Variants in SNX2 observed in about 807,000 individuals in gnomAD.
SNX2 encodes sorting nexin-2.
Under a neutral mutation model 69.9 loss-of-function variants are expected in SNX2, and 25 were observed. That is an observed-to-expected ratio of 0.36 (90% CI 0.26 to 0.50). The LOEUF (loss-of-function observed/expected upper bound fraction) is 0.50, where lower values mean the gene tolerates loss of function less well. Ranked by LOEUF, SNX2 falls within the 20% of genes least tolerant of loss-of-function variation. SNX2 has a pLI of 0.97. For missense variants in SNX2, 551 were observed against 613.3 expected (o/e 0.90, Z 1.07); for synonymous variants, 229 against 200.4 (o/e 1.14, Z -1.20).
chr5:122,825,667 G>A (rs1754135142), intron 11 of SNX2, among the ~76,000 whole-genome samples: 1 of 151,586 alleles, frequency 6.6e-6, no homozygotes, highest in Non-Finnish European at 1.5e-5. Flanking sequence ...TACTTAATAT[G>A]CTTCTAATAT....
chr5:122,817,367 A>G lies in SNX2; in HGVS notation c.1000A>G (p.Arg334Gly), dbSNP rs1353280446. 17 of 1,613,066 alleles carry G rather than the reference A, an allele frequency of 1.1e-5. No homozygotes were observed. The highest frequency in any genetic ancestry group is 1.4e-5 in the Non-Finnish European group (17 of 1,179,192). ...HVSVEALVCH[R>G]KELSANTAAF... ...CAGTGTTGAAGCCTTGGTCTGTCAT[A>G]GAAAAGGTTTGTTTGCCTTACTACT... The change falls in exon 10 of 15, where the codon AGA becomes GGA. Residue 334 changes from arginine (R) to glycine (G), a missense_variant. By Grantham distance (125) the Arg-to-Gly change is moderately radical (BLOSUM62 -2). Coordinates refer to ENST00000379516, the MANE Select transcript of SNX2 (RefSeq NM_003100.4).
chr5:122,819,053 G>C, intron 11 of SNX2, 30 bp downstream of exon 11: 1 of 1,547,004 alleles, frequency 6.5e-7, no homozygotes, highest in East Asian at 2.2e-5. Context: ...CTTCTCACTT[G>C]TGTCGTGTAC....
chr5:122,826,570 A>G (rs1340190961), intron 12 of SNX2: 1 of 564,548 alleles, frequency 1.8e-6, no homozygotes, highest in African/African-American at 2.0e-5. Context: ...TGTATTATAT[A>G]TGGTATTTTA....
chr5:122,817,484 A>G (rs1223845647), intron 10 of SNX2, 111 bp downstream of exon 10: 4 of 707,578 alleles, frequency 5.7e-6, no homozygotes, highest in African/African-American at 5.5e-5. Context: ...AGAGAAAACA[A>G]TCATTTAAGA....
chr5:122,789,722 GT>G (rs1753184541), intron 1 of SNX2, among the ~76,000 whole-genome samples: 1 of 152,200 alleles, frequency 6.6e-6, no homozygotes, highest in Non-Finnish European at 1.5e-5. Flanking sequence ...TTCTACCAGA[GT>G]TTAGCTGTCT....
intron 1 of SNX2, 103 bp from the exon 2 acceptor site, chr5:122,795,163 T>C: frequency 1.4e-6 from 1 of 724,892 alleles, no homozygotes; most frequent in Admixed American, 2.2e-5. Flanking sequence ...TGTTCTTTCC[T>C]CCATTCTTTT....
At position 122,834,420 on chromosome 5, in the gene SNX2, A is replaced by G. The variant is rs1754364155; in HGVS notation, c.*4772A>G. 1 of 152,196 alleles carries G rather than the reference A, an allele frequency of 6.6e-6. No homozygotes were observed. Among genetic ancestry groups the G allele is most frequent in the South Asian group, 2.1e-4 (1 of 4,836 alleles). The allele number at this position is 152,196 out of a possible 1,614,324, so 9.4% of individuals were successfully genotyped here. ...AGTCAAGGTGAATACACAGAAAATC[A>G]TTTTCTTATTAAGGTCAGTTAATGG... On this transcript the variant is annotated 3_prime_UTR_variant, in exon 15 of 15. Coordinates refer to ENST00000379516, the MANE Select transcript of SNX2 (RefSeq NM_003100.4).
rs1236474910 is a variant in SNX2 at position 122,833,504 on chromosome 5, CA to C, written c.*3857del. 2 of 152,030 alleles carry C rather than the reference CA, an allele frequency of 1.3e-5. No individual in the cohort carries two copies. Among genetic ancestry groups the C allele is most frequent in the African/African-American group, 4.8e-5 (2 of 41,412 alleles). The allele number at this position is 152,030 out of a possible 1,614,324, so 9.4% of individuals were successfully genotyped here. A position where few individuals can be genotyped will look rare whatever the true frequency, so the allele number is the denominator to read the frequency against. On this transcript the variant is annotated 3_prime_UTR_variant, in exon 15 of 15. Coordinates refer to ENST00000379516, the MANE Select transcript of SNX2 (RefSeq NM_003100.4). ...TATATTGAAGTTATAAGATATTTTA[CA>C]TTCTTTTTTTGATATCTGATGTATA... is the stretch of plus-strand genomic sequence containing the variant.
At chr5:122,807,100 A>G (rs550531098) in intron 6 of SNX2, among the ~76,000 whole-genome samples, 1 of 152,190 alleles carries the variant, frequency 6.6e-6, no homozygotes, top group Non-Finnish European at 1.5e-5. Flanking sequence ...AGCCTGGGCA[A>G]CACAGCAAAA....
intron 8 of SNX2, 89 bp from the exon 9 acceptor site, chr5:122,816,825 AG>A (rs148883473): frequency 2.1e-6 from 1 of 467,614 alleles, no homozygotes; most frequent in Admixed American, 4.4e-5. Context: ...TGTGGGGGGG[AG>A]GGGGGAGGAG....
intron 12 of SNX2, 137 bp from the exon 13 acceptor site, chr5:122,827,242 G>A (rs546114825): frequency 4.6e-6 from 3 of 657,916 alleles, no homozygotes; most frequent in African/African-American, 3.7e-5. Context: ...TGCAATTTCT[G>A]TTGATGCTAA....
chr5:122,822,726 C>A (rs999877570), intron 11 of SNX2, among the ~76,000 whole-genome samples: 14 of 152,112 alleles, frequency 9.2e-5, no homozygotes, highest in African/African-American at 3.1e-4. Flanking sequence ...TTGGCTGTAT[C>A]CTTACAAGCA....
chr5:122,776,661 C>A (rs2149998602), intron 1 of SNX2, among the ~76,000 whole-genome samples: 1 of 152,264 alleles, frequency 6.6e-6, no homozygotes, highest in East Asian at 1.9e-4. Flanking sequence ...TTGAAAGTGT[C>A]TGCAGGATCC....
chr5:122,783,202 C>T (rs1005765371), intron 1 of SNX2, among the ~76,000 whole-genome samples: 9 of 152,088 alleles, frequency 5.9e-5, no homozygotes, highest in African/African-American at 9.7e-5. Context: ...ATCTCGGCCT[C>T]CCAGACTGCT....
intron 3 of SNX2, 41 bp from the exon 4 acceptor site, chr5:122,801,823 TTTAAA>T: frequency 8.2e-7 from 1 of 1,212,650 alleles, no homozygotes; most frequent in Non-Finnish European, 1.2e-6. Context: ...ATGACAATAA[TTTAAA>T]TTATAATTTT....
Position 122,776,802 on chromosome 5 carries a change from TAGAA to T in SNX2, c.108+1596_108+1599del, listed in dbSNP as rs1486036264. On this transcript the variant is annotated intron_variant, in intron 1 of 14. Coordinates refer to ENST00000379516, the MANE Select transcript of SNX2 (RefSeq NM_003100.4). ...CTGTTGGGGGTCGTTTAGAGTTGAG[TAGAA>T]AGAACTATAATCTGTATTTCCCATG... 5.3e-5 allele frequency among the ~76,000 whole-genome samples: 8 copies of T among 152,148 alleles called. No individual in the cohort carries two copies. In the South Asian group the frequency reaches 6.2e-4, roughly 12 times the overall value.
In SNX2 at chr5:122,829,678, T is replaced by C; in HGVS notation, c.*30T>C. 3.1e-6 allele frequency: 5 copies of C among 1,591,756 alleles called. No homozygotes were observed. The highest frequency in any genetic ancestry group is 4.3e-6 in the Non-Finnish European group (5 of 1,159,762). On this transcript the variant is annotated 3_prime_UTR_variant, in exon 15 of 15. Transcript: ENST00000379516. The stretch of plus-strand genomic sequence containing the variant: ...AAGATTGTTGCCGTTAAGAAGACCT[T>C]GGATGTTGTTCCAGTTATGCTGGAT...
chr5:122,809,160 T>G (rs1753715606), intron 7 of SNX2, among the ~76,000 whole-genome samples: 1 of 152,156 alleles, frequency 6.6e-6, no homozygotes, highest in African/African-American at 2.4e-5. Flanking sequence ...TCATAGTATT[T>G]CCATTATATT....
intron 2 of SNX2, among the ~76,000 whole-genome samples, chr5:122,798,121 T>G (rs1247356843): frequency 6.6e-6 from 1 of 152,124 alleles, no homozygotes; most frequent in African/African-American, 2.4e-5. Flanking sequence ...TTGTTTTGCT[T>G]ATTGTTGTAA....
Sources: allele counts gnomAD v4.1 joint callset (sites outside exome capture counted in the v4.1 genomes callset), GRCh38; gene constraint gnomAD v4.1.1; transcripts MANE v1.5; gene names NCBI Gene and HGNC (gene_info 2026-07-23, HGNC 2026-07-21).